Variants in CTNNA3 observed in about 807,000 individuals in gnomAD.
CTNNA3 encodes catenin alpha 3, also known as catenin alpha-3.
Under a neutral mutation model 95.7 loss-of-function variants are expected in CTNNA3, and 76 were observed. The ratio of observed to expected loss-of-function variants is 0.79; its 90% CI spans 0.66 to 0.96. CTNNA3 has a LOEUF of 0.96. Among genes scored for constraint, CTNNA3 ranks in the 40% least tolerant of loss-of-function variants. The pLI is 0.00. For synonymous variants in CTNNA3, 431 were observed against 374.4 expected (o/e 1.15, Z -1.74); for missense variants, 1,191 against 1,089.8 (o/e 1.09, Z -1.31).
chr10:66,845,754 TAC>T (rs140313786), intron 7 of CTNNA3, among the ~76,000 whole-genome samples: 27,499 of 107,690 alleles, frequency 0.26, 3,842 homozygotes, highest in African/African-American at 0.39. Flanking sequence ...TATATATACA[TAC>T]ACACACACAC....
intron 5 of CTNNA3, among the ~76,000 whole-genome samples, chr10:67,344,209 C>T (rs547323879): frequency 2.6e-5 from 4 of 151,844 alleles, no homozygotes; most frequent in African/African-American, 9.6e-5. Context: ...GATGAATGAC[C>T]TTTTTAATTA....
intron 11 of CTNNA3, among the ~76,000 whole-genome samples, chr10:66,434,025 A>G (rs1232877479): frequency 9.9e-5 from 15 of 152,158 alleles, no homozygotes; most frequent in Non-Finnish European, 1.3e-4. Context: ...TAACAGTATC[A>G]TGCTGTTTTT....
At chr10:67,108,842 A>G (rs1858780577) in intron 7 of CTNNA3, among the ~76,000 whole-genome samples, 1 of 152,164 alleles carries the variant, frequency 6.6e-6, no homozygotes, top group Non-Finnish European at 1.5e-5. Flanking sequence ...TTTTTCTAGT[A>G]TATATGTCAA....
chr10:66,506,616 A>G (rs1048752739), intron 11 of CTNNA3, among the ~76,000 whole-genome samples: 1 of 152,162 alleles, frequency 6.6e-6, no homozygotes, highest in Non-Finnish European at 1.5e-5. Flanking sequence ...TCTGATTCAT[A>G]TACACCAGAT....
rs190103542 is a variant in CTNNA3, at chr10:66,110,839, A to T, written c.1885-7590T>A. ...TGTGCAAGTATCATAGAGTATATTT[A>T]AACAAACCTAGATGGTATAACCTAC... is the stretch of plus-strand genomic sequence containing the variant. On this transcript the variant is annotated intron_variant, in intron 13 of 17. Coordinates refer to ENST00000433211, the MANE Select transcript of CTNNA3 (RefSeq NM_013266.4). Among the ~76,000 whole-genome samples the T allele has an allele frequency of 1.9e-3, 294 of 152,302 alleles. 6 individuals are homozygous for T. Among genetic ancestry groups the T allele is most frequent in the Admixed American group, 0.014 (212 of 15,290 alleles).
intron 10 of CTNNA3, among the ~76,000 whole-genome samples, chr10:66,569,218 A>G (rs1248314360): frequency 6.6e-6 from 1 of 152,072 alleles, no homozygotes; most frequent in East Asian, 1.9e-4. Context: ...ATGTGGAGGG[A>G]CAAATGGAAA....
At chr10:66,056,981 T>A (rs2133557330) in intron 15 of CTNNA3, among the ~76,000 whole-genome samples, 1 of 152,298 alleles carries the variant, frequency 6.6e-6, no homozygotes, top group African/African-American at 2.4e-5. Flanking sequence ...TTGCCAAAGC[T>A]TTCAATTCAG....
intron 7 of CTNNA3, among the ~76,000 whole-genome samples, chr10:66,811,147 T>C (rs767871044): frequency 1.3e-5 from 2 of 152,208 alleles, no homozygotes; most frequent in Non-Finnish European, 2.9e-5. Flanking sequence ...ATACTTGCAC[T>C]AAAATCAGGA....
At chr10:66,268,857 G>A (rs184726436) in intron 13 of CTNNA3, among the ~76,000 whole-genome samples, 2 of 152,230 alleles carry the variant, frequency 1.3e-5, no homozygotes, top group East Asian at 1.9e-4. Flanking sequence ...GTGACATGGA[G>A]GCCAGCTTAT....
intron 13 of CTNNA3, among the ~76,000 whole-genome samples, chr10:66,155,604 G>A (rs34629517): frequency 0.065 from 9,808 of 151,794 alleles, 424 homozygotes; most frequent in Non-Finnish European, 0.1. Flanking sequence ...TGTGGGGAGC[G>A]GAGGACCATC....
rs189775013 is a variant in CTNNA3, at chr10:66,423,574, C to G, written c.1532-44222G>C. ...TTCCAACCCTAAGATAAATCCCTCC[C>G]AAACCAGAGACATGCCAGCCCTGAG... On this transcript the variant is annotated intron_variant, in intron 11 of 17. Transcript: ENST00000433211. 1.0e-3 allele frequency among the ~76,000 whole-genome samples: 154 copies of G among 152,224 alleles called. 1 individual carries two copies. Among genetic ancestry groups the G allele is most frequent in the African/African-American group, 3.4e-3 (140 of 41,548 alleles).
At chr10:66,531,762 C>G (rs1841473775) in intron 10 of CTNNA3, among the ~76,000 whole-genome samples, 1 of 151,774 alleles carries the variant, frequency 6.6e-6, no homozygotes, top group South Asian at 2.1e-4. Context: ...TAACATAAAA[C>G]TAAAATAAGA....
chr10:67,311,854 T>C (rs1840815741), intron 5 of CTNNA3, among the ~76,000 whole-genome samples: 1 of 152,014 alleles, frequency 6.6e-6, no homozygotes, highest in Admixed American at 6.6e-5. Context: ...AAGCCTCCCA[T>C]TTTTTCAATT....
intron 3 of CTNNA3, among the ~76,000 whole-genome samples, chr10:67,577,802 G>C (rs999127378): frequency 6.6e-6 from 1 of 151,614 alleles, no homozygotes; most frequent in African/African-American, 2.4e-5. Flanking sequence ...ATTGTAAATA[G>C]TGCTGCAATA....
chr10:67,623,547 T>C (rs1843920465), intron 2 of CTNNA3, among the ~76,000 whole-genome samples: 1 of 152,102 alleles, frequency 6.6e-6, no homozygotes, highest in Admixed American at 6.5e-5. Flanking sequence ...CTACTCCCCA[T>C]GCAGTCACTA....
intron 17 of CTNNA3, among the ~76,000 whole-genome samples, chr10:65,945,664 G>C (rs2077504712): frequency 6.6e-6 from 1 of 152,198 alleles, no homozygotes; most frequent in African/African-American, 2.4e-5. Context: ...ATGCAGGATG[G>C]AACTGGGGAA....
At chr10:66,136,831 T>A (rs1387081655) in intron 13 of CTNNA3, among the ~76,000 whole-genome samples, 1 of 146,554 alleles carries the variant, frequency 6.8e-6, no homozygotes, top group African/African-American at 2.5e-5. Flanking sequence ...TTCACATAAT[T>A]TTTTTTTTTT....
chr10:66,701,327 T>C (rs1847935357), intron 9 of CTNNA3, among the ~76,000 whole-genome samples: 1 of 152,172 alleles, frequency 6.6e-6, no homozygotes, highest in South Asian at 2.1e-4. Context: ...ATCAAAGTTG[T>C]TTTGACTATT....
chr10:66,098,520 T>C (rs2081491106), intron 14 of CTNNA3: 1 of 152,240 alleles, frequency 6.6e-6, no homozygotes, highest in South Asian at 2.1e-4. Context: ...GGCACTGCTC[T>C]GTTTAAATAG....
Sources: gnomAD v4.1 joint callset for allele counts (sites outside exome capture counted in the v4.1 genomes callset) on GRCh38, gnomAD v4.1.1 for gene constraint, MANE v1.5 for transcripts, NCBI Gene and HGNC (gene_info 2026-07-23, HGNC 2026-07-21) for gene names.